VSNL1: variants seen among roughly 807,000 people sequenced by gnomAD.
VSNL1 encodes the protein visinin like 1, also known as visinin-like protein 1.
A neutral mutation model predicts 20.4 loss-of-function variants in VSNL1; 6 were observed. The observed-to-expected ratio is 0.29, with a 90% CI of 0.16 to 0.58. The LOEUF is 0.58. Among genes scored for constraint, VSNL1 ranks in the 20% least tolerant of loss-of-function variants. The probability of loss-of-function intolerance (pLI) is 0.90; values close to 1 mark genes in which losing one functional copy is unlikely to be tolerated. For missense variants in VSNL1, 100 were observed against 234.5 expected (o/e 0.43, Z 3.75); for synonymous variants, 93 against 86.4 (o/e 1.08, Z -0.42).
At chr2:17,605,616 G>T (rs1301893807) in intron 2 of VSNL1, among the ~76,000 whole-genome samples, 1 of 152,184 alleles carries the variant, frequency 6.6e-6, no homozygotes, top group Non-Finnish European at 1.5e-5. Flanking sequence ...CCCAGGCAGA[G>T]TGTTAGGGGC....
intron 1 of VSNL1, among the ~76,000 whole-genome samples, chr2:17,558,007 A>G (rs917706088): frequency 2.9e-4 from 44 of 152,292 alleles, no homozygotes; most frequent in African/African-American, 9.9e-4. Context: ...TCTGGGGCAC[A>G]CAGAACCAAA....
At chr2:17,555,634 A>G (rs1197732055) in intron 1 of VSNL1, among the ~76,000 whole-genome samples, 2 of 152,184 alleles carry the variant, frequency 1.3e-5, no homozygotes, top group African/African-American at 4.8e-5. Flanking sequence ...TAGGTGCTTT[A>G]AAACAGAATT....
In VSNL1 at chr2:17,636,106, T is replaced by C. The variant is rs145884664; in HGVS notation, c.163-13304T>C. On this transcript the variant is annotated intron_variant, in intron 2 of 3. Coordinates refer to ENST00000295156, the MANE Select transcript of VSNL1 (RefSeq NM_003385.5). ...TTTTAGAATTATGATATGAAGCCAG[T>C]ATAATTACCATAGCACTCCCTGGCA... Among the ~76,000 whole-genome samples the C allele has an allele frequency of 4.3e-3, 649 of 152,182 alleles. 7 individuals are homozygous for C. The highest frequency in any genetic ancestry group is 0.015 in the African/African-American group (605 of 41,502).
chr2:17,608,403 A>G (rs1665004613), intron 2 of VSNL1, among the ~76,000 whole-genome samples: 1 of 152,250 alleles, frequency 6.6e-6, no homozygotes, highest in Non-Finnish European at 1.5e-5. Context: ...AGCCCCAGTC[A>G]AATCTCTTGC....
intron 2 of VSNL1, among the ~76,000 whole-genome samples, chr2:17,641,785 T>C (rs1238247462): frequency 6.6e-6 from 1 of 152,170 alleles, no homozygotes; most frequent in Non-Finnish European, 1.5e-5. Flanking sequence ...TGTAGTTGTA[T>C]AGACATAGAC....
chr2:17,545,295 CAGAG>C (rs747926189), intron 1 of VSNL1, among the ~76,000 whole-genome samples: 28 of 152,104 alleles, frequency 1.8e-4, no homozygotes, highest in East Asian at 7.7e-4. Flanking sequence ...ACTTGAATGA[CAGAG>C]AGAGACCCTA....
At chr2:17,566,146 CTTG>C (rs1274398606) in intron 1 of VSNL1, among the ~76,000 whole-genome samples, 1 of 152,104 alleles carries the variant, frequency 6.6e-6, no homozygotes, top group East Asian at 1.9e-4. Context: ...GCAACTATAT[CTTG>C]TTATTTATTC....
chr2:17,560,885 A>C (rs972003881), intron 1 of VSNL1, among the ~76,000 whole-genome samples: 3 of 152,234 alleles, frequency 2.0e-5, no homozygotes, highest in Non-Finnish European at 4.4e-5. Context: ...AGATTGCAAC[A>C]TATGAGGTAG....
chr2:17,556,550 C>T (rs189237161), intron 1 of VSNL1, among the ~76,000 whole-genome samples: 84 of 152,218 alleles, frequency 5.5e-4, no homozygotes, highest in African/African-American at 2.0e-3. Context: ...AGTCCTTGTA[C>T]AGATTAGATA....
At chr2:17,619,767 G>A (rs949404833) in intron 2 of VSNL1, among the ~76,000 whole-genome samples, 8 of 151,922 alleles carry the variant, frequency 5.3e-5, no homozygotes, top group African/African-American at 1.5e-4. Context: ...TGAGGGTAAC[G>A]TATTCATTCA....
chr2:17,632,883 G>C (rs1322895867), intron 2 of VSNL1, among the ~76,000 whole-genome samples: 1 of 152,194 alleles, frequency 6.6e-6, no homozygotes, highest in Non-Finnish European at 1.5e-5. Context: ...ACCGGGTGCA[G>C]TGACTCATGC....
chr2:17,636,587 A>G (rs1167614737), intron 2 of VSNL1, among the ~76,000 whole-genome samples: 1 of 152,236 alleles, frequency 6.6e-6, no homozygotes, highest in Non-Finnish European at 1.5e-5. Flanking sequence ...TGACACATGT[A>G]CCTGCTTCAA....
At chr2:17,580,277 A>C (rs1451609410) in intron 1 of VSNL1, among the ~76,000 whole-genome samples, 4 of 152,228 alleles carry the variant, frequency 2.6e-5, no homozygotes, top group Admixed American at 2.0e-4. Flanking sequence ...CCCAAAGGAC[A>C]AAGTAAAGAT....
chr2:17,560,006 GTA>G (rs976843306), intron 1 of VSNL1, among the ~76,000 whole-genome samples: 11 of 151,878 alleles, frequency 7.2e-5, no homozygotes, highest in African/African-American at 2.4e-4. Flanking sequence ...TACAAAAAAA[GTA>G]GCCTTTTCTT....
intron 2 of VSNL1, among the ~76,000 whole-genome samples, chr2:17,641,575 G>A (rs1665883219): frequency 6.6e-6 from 1 of 152,178 alleles, no homozygotes; most frequent in Non-Finnish European, 1.5e-5. Context: ...CCATTGACCC[G>A]ATTTATAGTG....
At chr2:17,638,859 G>A (rs1665818541) in intron 2 of VSNL1, among the ~76,000 whole-genome samples, 1 of 152,208 alleles carries the variant, frequency 6.6e-6, no homozygotes, top group South Asian at 2.1e-4. Flanking sequence ...AGCAGCATAG[G>A]AGGGCCCCTT....
At chr2:17,631,222 GGGA>G (rs1216975308) in intron 2 of VSNL1, among the ~76,000 whole-genome samples, 1 of 151,846 alleles carries the variant, frequency 6.6e-6, no homozygotes, top group Non-Finnish European at 1.5e-5. Flanking sequence ...AGAAAACATA[GGGA>G]AATATTCTGA....
At chr2:17,645,029 C>T (rs1665963094) in intron 2 of VSNL1, among the ~76,000 whole-genome samples, 1 of 152,256 alleles carries the variant, frequency 6.6e-6, no homozygotes, top group Admixed American at 6.5e-5. Context: ...GATGGCAGAC[C>T]TCTCCAAGAC....
intron 3 of VSNL1, among the ~76,000 whole-genome samples, chr2:17,653,883 C>T (rs1666171300): frequency 6.6e-6 from 1 of 152,168 alleles, no homozygotes; most frequent in South Asian, 2.1e-4. Flanking sequence ...TGCCCAAAGG[C>T]CCGCTCCCAC....
Sources: gnomAD v4.1 joint callset for allele counts (sites outside exome capture counted in the v4.1 genomes callset) on GRCh38, gnomAD v4.1.1 for gene constraint, MANE v1.5 for transcripts, NCBI Gene and HGNC (gene_info 2026-07-23, HGNC 2026-07-21) for gene names.